The following FBXL20 variants were observed in gnomAD, a reference collection of about 807,000 sequenced individuals.
The protein encoded by FBXL20 is F-box/LRR-repeat protein 20.
FBXL20 carries 11 observed loss-of-function variants against 64.0 expected under a neutral mutation model. The observed-to-expected ratio is 0.17, with a 90% CI of 0.11 to 0.28. The LOEUF is 0.28. Ranked by LOEUF, FBXL20 falls within the 10% of genes least tolerant of loss-of-function variation. FBXL20 has a pLI of 1.00. For synonymous variants in FBXL20, 184 were observed against 189.0 expected (o/e 0.97, Z 0.22); for missense variants, 303 against 526.2 (o/e 0.58, Z 4.15).
intron 1 of FBXL20, among the ~76,000 whole-genome samples, chr17:39,371,664 C>CG (rs1567900094): frequency 7.0e-6 from 1 of 143,170 alleles, no homozygotes; most frequent in African/African-American, 2.6e-5. Context: ...TTACTTTTTT[C>CG]TTTTTTTTTT....
chr17:39,368,075 G>T (rs185151927), intron 1 of FBXL20, among the ~76,000 whole-genome samples: 1 of 151,940 alleles, frequency 6.6e-6, no homozygotes, highest in Non-Finnish European at 1.5e-5. Flanking sequence ...ACCACACCCC[G>T]CCTGTGAAAG....
chr17:39,266,783 A>G (rs905043758), intron 12 of FBXL20, among the ~76,000 whole-genome samples: 1 of 152,260 alleles, frequency 6.6e-6, no homozygotes, highest in Non-Finnish European at 1.5e-5. Context: ...ACATTTGAAC[A>G]CATCTAGTCA....
intron 2 of FBXL20, among the ~76,000 whole-genome samples, chr17:39,332,298 T>A (rs2047468959): frequency 1.3e-5 from 2 of 152,196 alleles, no homozygotes; most frequent in Non-Finnish European, 2.9e-5. Flanking sequence ...TAGAAATGCC[T>A]GCTTGCAAGG....
intron 10 of FBXL20, among the ~76,000 whole-genome samples, chr17:39,271,530 G>T (rs551251123): frequency 7.0e-6 from 1 of 143,474 alleles, no homozygotes; most frequent in Non-Finnish European, 1.5e-5. Flanking sequence ...CCCGGGAGGC[G>T]GAGGTTGCAG....
In FBXL20 at chr17:39,324,797, C is replaced by A. The variant is rs538877546; in HGVS notation, c.104+18383G>T. Reference sequence around the variant, plus strand: ...GCAGCAAGGTTTGATCATTAACTTACAAATTCTAATCTCCAGATGAAGATG... The same window carrying A: ...GCAGCAAGGTTTGATCATTAACTTAAAAATTCTAATCTCCAGATGAAGATG... On this transcript the variant is annotated intron_variant, in intron 2 of 14. Transcript: ENST00000264658. 3.3e-5 allele frequency among the ~76,000 whole-genome samples: 5 copies of A among 152,228 alleles called. No homozygotes were observed. The South Asian group carries it at 1.0e-3, about 32-fold the overall frequency.
rs147923680 is a variant in FBXL20, at chr17:39,310,420, C to A, written c.105-6781G>T. Among the ~76,000 whole-genome samples the A allele has an allele frequency of 1.3e-3, 203 of 152,152 alleles. 1 individual carries two copies. Among genetic ancestry groups the A allele is most frequent in the Middle Eastern group, 6.8e-3 (2 of 294 alleles). On this transcript the variant is annotated intron_variant, in intron 2 of 14. Transcript: ENST00000264658. Reference sequence around the variant, plus strand: ...CCTCCCCTTTCCTTCCGCCAGTTACCTAATCTAAGAATTCATCCCCTAAAC... The same window carrying A: ...CCTCCCCTTTCCTTCCGCCAGTTACATAATCTAAGAATTCATCCCCTAAAC...
chr17:39,368,972 T>TA (rs539986504), intron 1 of FBXL20, among the ~76,000 whole-genome samples: 392 of 152,238 alleles, frequency 2.6e-3, no homozygotes, highest in African/African-American at 9.0e-3. Flanking sequence ...TTTAATCTTC[T>TA]AAAAAATAAC....
intron 11 of FBXL20, 144 bp from the exon 12 acceptor site, chr17:39,269,015 T>C: frequency 1.4e-6 from 1 of 718,292 alleles, no homozygotes; most frequent in South Asian, 1.8e-5. Context: ...GCTAATTTTT[T>C]TTTCTTTCTT....
chr17:39,296,517 G>A (rs1199879602), intron 6 of FBXL20, among the ~76,000 whole-genome samples: 6 of 139,418 alleles, frequency 4.3e-5, no homozygotes, highest in African/African-American at 8.1e-5. Flanking sequence ...CCAAGGTTGC[G>A]CCACTGCAGT....
intron 6 of FBXL20, among the ~76,000 whole-genome samples, chr17:39,288,708 G>A (rs569249517): frequency 5.3e-5 from 8 of 151,664 alleles, no homozygotes; most frequent in African/African-American, 1.2e-4. Flanking sequence ...ATCTTTAGAC[G>A]CATAATTTTT....
intron 7 of FBXL20, among the ~76,000 whole-genome samples, 160 bp downstream of exon 7, chr17:39,285,316 CAT>C (rs5820283): frequency 0.042 from 6,345 of 152,156 alleles, 255 homozygotes; most frequent in African/African-American, 0.1. Context: ...TAGTATGTCC[CAT>C]AATTGTAATT....
intron 1 of FBXL20, among the ~76,000 whole-genome samples, chr17:39,383,522 A>C (rs891824639): frequency 2.6e-5 from 4 of 152,048 alleles, no homozygotes; most frequent in African/African-American, 9.7e-5. Context: ...CTCTTGAAGT[A>C]CAGAGTAGAA....
intron 6 of FBXL20, among the ~76,000 whole-genome samples, chr17:39,289,063 G>T (rs967841411): frequency 2.6e-5 from 4 of 152,088 alleles, no homozygotes; most frequent in Non-Finnish European, 4.4e-5. Context: ...TTTATAGCTT[G>T]TCTATGTGTG....
intron 1 of FBXL20, among the ~76,000 whole-genome samples, chr17:39,391,312 A>T (rs1361510614): frequency 6.6e-6 from 1 of 152,016 alleles, no homozygotes; most frequent in Non-Finnish European, 1.5e-5. Flanking sequence ...CGAAAGCAGT[A>T]TATAGGATAA....
chr17:39,364,583 C>G (rs998222955), intron 1 of FBXL20, among the ~76,000 whole-genome samples: 4 of 152,096 alleles, frequency 2.6e-5, no homozygotes, highest in African/African-American at 9.7e-5. Flanking sequence ...GCACTCCAGC[C>G]TGGGAGACAG....
At chr17:39,392,918 T>C (rs1199311945) in intron 1 of FBXL20, among the ~76,000 whole-genome samples, 1 of 150,388 alleles carries the variant, frequency 6.6e-6, no homozygotes, top group African/African-American at 2.5e-5. Flanking sequence ...GAGGCTGAGG[T>C]TGAACCCAGG....
intron 2 of FBXL20, among the ~76,000 whole-genome samples, chr17:39,330,897 AAG>A (rs747280472): frequency 1.3e-5 from 2 of 152,234 alleles, no homozygotes; most frequent in East Asian, 3.8e-4. Flanking sequence ...TAAATTCTCC[AAG>A]AGAGATAAAT....
intron 2 of FBXL20, among the ~76,000 whole-genome samples, chr17:39,318,627 C>G (rs921308145): frequency 6.6e-6 from 1 of 152,080 alleles, no homozygotes; most frequent in Non-Finnish European, 1.5e-5. Flanking sequence ...GTAATCCTAG[C>G]TACTCAGGAG....
At chr17:39,262,216 G>C (rs774784998) in intron 14 of FBXL20, among the ~76,000 whole-genome samples, 10 of 152,130 alleles carry the variant, frequency 6.6e-5, no homozygotes, top group Non-Finnish European at 1.2e-4. Context: ...AGGCCAACTC[G>C]AACTCAAGAT....
Sources: gnomAD v4.1 joint callset for allele counts (sites outside exome capture counted in the v4.1 genomes callset) on GRCh38, gnomAD v4.1.1 for gene constraint, MANE v1.5 for transcripts, NCBI Gene and HGNC (gene_info 2026-07-23, HGNC 2026-07-21) for gene names.